Variants in RCAN2 observed in about 807,000 individuals in gnomAD.
RCAN2 encodes regulator of calcineurin 2, also known as calcipressin-2.
Under a neutral mutation model 23.6 loss-of-function variants are expected in RCAN2, and 9 were observed. That is an observed-to-expected ratio of 0.38 (90% CI 0.23 to 0.67). RCAN2 has a LOEUF of 0.67. Among genes scored for constraint, RCAN2 ranks in the 30% least tolerant of loss-of-function variants. The probability of loss-of-function intolerance (pLI) is 0.51; values close to 1 mark genes in which losing one functional copy is unlikely to be tolerated. For synonymous variants in RCAN2, 109 were observed against 115.7 expected (o/e 0.94, Z 0.37); for missense variants, 273 against 302.3 (o/e 0.90, Z 0.72).
intron 2 of RCAN2, among the ~76,000 whole-genome samples, chr6:46,279,047 T>G (rs914044441): frequency 1.3e-5 from 2 of 152,208 alleles, no homozygotes; most frequent in Non-Finnish European, 2.9e-5. Flanking sequence ...TCCCAAATGA[T>G]TCTAATATGT....
At chr6:46,425,748 T>C (rs1767013475) in intron 2 of RCAN2, among the ~76,000 whole-genome samples, 1 of 152,130 alleles carries the variant, frequency 6.6e-6, no homozygotes, top group Non-Finnish European at 1.5e-5. Context: ...AAAATCTTAA[T>C]TCTTGATCTT....
chr6:46,395,077 G>C (rs1766050053), intron 2 of RCAN2, among the ~76,000 whole-genome samples: 1 of 152,164 alleles, frequency 6.6e-6, no homozygotes, highest in South Asian at 2.1e-4. Context: ...GGGTGTTGGA[G>C]ATAGATCATG....
chr6:46,488,582 A>T (rs1235135959), intron 1 of RCAN2, among the ~76,000 whole-genome samples: 1 of 152,252 alleles, frequency 6.6e-6, no homozygotes, highest in Non-Finnish European at 1.5e-5. Context: ...GAGAAGTAAG[A>T]TCAGTAGAAG....
chr6:46,417,409 A>T (rs1487732235), intron 2 of RCAN2, among the ~76,000 whole-genome samples: 1 of 152,232 alleles, frequency 6.6e-6, no homozygotes, highest in Non-Finnish European at 1.5e-5. Context: ...CCTCCTGATT[A>T]AAAAGTCAAT....
intron 2 of RCAN2, among the ~76,000 whole-genome samples, chr6:46,422,539 A>G (rs1766913836): frequency 6.6e-6 from 1 of 152,236 alleles, no homozygotes; most frequent in Non-Finnish European, 1.5e-5. Flanking sequence ...AAAACGAAGG[A>G]AGACATGTTC....
rs186172364 is a variant in RCAN2, at chr6:46,487,374, T to C, written c.-3+3799A>G. ...AACATACACTTCTTTCTTAGATAAA[T>C]AGATGATACTCAACTAAGAGGTGGC... On this transcript the variant is annotated intron_variant, in intron 1 of 4. Coordinates refer to ENST00000371374, the MANE Select transcript of RCAN2 (RefSeq NM_001251974.2). Among the ~76,000 whole-genome samples the C allele has an allele frequency of 3.4e-3, 521 of 152,324 alleles. 3 individuals carry two copies. The highest frequency in any genetic ancestry group is 0.012 in the African/African-American group (489 of 41,568).
chr6:46,459,359 A>G (rs754017111), intron 1 of RCAN2, among the ~76,000 whole-genome samples: 9 of 152,222 alleles, frequency 5.9e-5, no homozygotes, highest in Non-Finnish European at 1.3e-4. Context: ...GAATGTTTCA[A>G]TTATTATTTT....
intron 2 of RCAN2, among the ~76,000 whole-genome samples, chr6:46,338,231 A>G (rs1279090842): frequency 6.6e-6 from 1 of 152,216 alleles, no homozygotes; most frequent in Non-Finnish European, 1.5e-5. Flanking sequence ...AGAAGGTCTA[A>G]GATGCAGAAG....
At chr6:46,349,628 C>T (rs563882556) in intron 2 of RCAN2, among the ~76,000 whole-genome samples, 6 of 152,124 alleles carry the variant, frequency 3.9e-5, no homozygotes, top group Admixed American at 6.5e-5. Context: ...TGTTCTACTC[C>T]GGAGTCTTCC....
chr6:46,432,560 T>G (rs184342152), intron 2 of RCAN2, among the ~76,000 whole-genome samples: 1 of 152,262 alleles, frequency 6.6e-6, no homozygotes, highest in Non-Finnish European at 1.5e-5. Flanking sequence ...TTTGGTGTGC[T>G]TCATCAAAAG....
intron 2 of RCAN2, among the ~76,000 whole-genome samples, chr6:46,398,785 C>A (rs1766162033): frequency 1.3e-5 from 2 of 152,074 alleles, no homozygotes; most frequent in Admixed American, 1.3e-4. Context: ...ACCCAGGCCA[C>A]AATGTGATCA....
intron 2 of RCAN2, among the ~76,000 whole-genome samples, chr6:46,369,498 A>T (rs932000788): frequency 6.6e-6 from 1 of 152,238 alleles, no homozygotes; most frequent in Non-Finnish European, 1.5e-5. Context: ...AATACCTTGC[A>T]TCACAACGTT....
At chr6:46,315,105 T>A (rs1763393110) in intron 2 of RCAN2, among the ~76,000 whole-genome samples, 1 of 152,194 alleles carries the variant, frequency 6.6e-6, no homozygotes, top group African/African-American at 2.4e-5. Flanking sequence ...TCTGAATGCT[T>A]ATTAAAACTG....
intron 2 of RCAN2, among the ~76,000 whole-genome samples, chr6:46,297,161 G>T (rs1235819237): frequency 6.6e-6 from 1 of 152,038 alleles, no homozygotes; most frequent in African/African-American, 2.4e-5. Flanking sequence ...TGCAGAACTG[G>T]CATATTTTCA....
intron 2 of RCAN2, among the ~76,000 whole-genome samples, chr6:46,285,982 T>C (rs1330098351): frequency 6.6e-6 from 1 of 152,190 alleles, no homozygotes; most frequent in African/African-American, 2.4e-5. Flanking sequence ...ATTGTGAGAA[T>C]TAAAGATGAG....
At chr6:46,226,822 G>C (rs1316118649) in intron 4 of RCAN2, among the ~76,000 whole-genome samples, 2 of 152,166 alleles carry the variant, frequency 1.3e-5, no homozygotes. Flanking sequence ...CCAACACTAT[G>C]TTGAATAGGA....
intron 2 of RCAN2, among the ~76,000 whole-genome samples, chr6:46,445,584 A>T (rs952680657): frequency 4.6e-5 from 7 of 152,216 alleles, no homozygotes; most frequent in African/African-American, 7.2e-5. Context: ...AGCACCAATA[A>T]CCACCCTCAA....
At chr6:46,314,167 G>A (rs1397483579) in intron 2 of RCAN2, among the ~76,000 whole-genome samples, 1 of 151,954 alleles carries the variant, frequency 6.6e-6, no homozygotes, top group African/African-American at 2.4e-5. Context: ...TTCGAGGCCA[G>A]CTTGGCCAAC....
Position 46,466,727 on chromosome 6 carries a change from A to G in RCAN2, c.-2-9749T>C, listed in dbSNP as rs76815460. On this transcript the variant is annotated intron_variant, in intron 1 of 4. Coordinates refer to ENST00000371374, the MANE Select transcript of RCAN2 (RefSeq NM_001251974.2). ...ACAGCCACAAGATGACAGACTTCCTATCTAGACTTATCAACTGCCTCATCA... is the reference window on the plus strand; with the variant it reads ...ACAGCCACAAGATGACAGACTTCCTGTCTAGACTTATCAACTGCCTCATCA... Among the ~76,000 whole-genome samples, 1,438 of 152,302 alleles carry G rather than the reference A, an allele frequency of 9.4e-3. 28 individuals are homozygous for G. Among genetic ancestry groups the G allele is most frequent in the African/African-American group, 0.033 (1,372 of 41,548 alleles).
Sources: allele counts gnomAD v4.1 joint callset (sites outside exome capture counted in the v4.1 genomes callset), GRCh38; gene constraint gnomAD v4.1.1; transcripts MANE v1.5; gene names NCBI Gene and HGNC (gene_info 2026-07-23, HGNC 2026-07-21).